RPL28: variants seen among roughly 807,000 people sequenced by gnomAD.
RPL28 encodes ribosomal protein L28.
A neutral mutation model predicts 12.5 loss-of-function variants in RPL28; 4 were observed. The observed-to-expected ratio is 0.32, with a 90% confidence interval of 0.16 to 0.73. RPL28 has a LOEUF of 0.73. Among genes scored for constraint, RPL28 ranks in the 30% least tolerant of loss-of-function variants. The pLI, the probability that RPL28 is intolerant of heterozygous loss-of-function variation, is 0.66. For synonymous variants in RPL28, 91 were observed against 72.5 expected, an observed-to-expected ratio of 1.26 and a Z score of -1.30; for missense variants, 214 against 197.7, an observed-to-expected ratio of 1.08 and a Z score of -0.49.
At chr19:55,396,631 A>G (rs1007304292), downstream of RPL28, among the ~76,000 whole-genome samples, 57 of 128,438 alleles carry the variant, frequency 4.4e-4, no homozygotes, top group African/African-American at 1.4e-3. Flanking sequence ...TCACTCTGTC[A>G]CCCAGGCTGG....
downstream of RPL28, chr19:55,403,286 A>C: frequency 1.7e-6 from 1 of 574,330 alleles, no homozygotes; most frequent in Non-Finnish European, 3.1e-6. Flanking sequence ...GCTCAGCTTT[A>C]GCAAAAAAGC....
intron 3 of RPL28, chr19:55,386,918 G>A: frequency 6.7e-7 from 1 of 1,484,952 alleles, no homozygotes; most frequent in Non-Finnish European, 8.9e-7. Context: ...AAATGAAAAA[G>A]GACCTGAACT....
In RPL28 at chr19:55,386,544, G is replaced by A. The variant is rs764362572; in HGVS notation, c.82-26G>A. 33 of 1,600,148 alleles carry A rather than the reference G, an allele frequency of 2.1e-5. 1 individual carries two copies. The South Asian group carries it at 3.6e-4, about 18-fold the overall frequency. ...GCATGTCTCCGGGTCCCTTATTCAC[G>A]ATGCCTTGTGCCGCCTCCTTCCCAG... On this transcript the variant is annotated intron_variant, in intron 2 of 4. Coordinates refer to ENST00000344063, the MANE Select transcript of RPL28 (RefSeq NM_000991.5).
chr19:55,391,359 C>A lies in RPL28; in HGVS notation c.*3027C>A. ...ATATGTAAAAGGCCATTTTGAGTGC[C>A]TTTCACAGCCCTGCATAAGGCAGGT... On this transcript the variant is annotated 3_prime_UTR_variant, in exon 5 of 5. Transcript: ENST00000344063. 1 of 1,192,720 alleles carries A rather than the reference C, an allele frequency of 8.4e-7. No homozygotes were observed. Among genetic ancestry groups the A allele is most frequent in the Non-Finnish European group, 1.1e-6 (1 of 949,276 alleles). The allele number at this position is 1,192,720 out of a possible 1,614,324, so 73.9% of individuals were successfully genotyped here.
chr19:55,388,514 G>T lies in RPL28; in HGVS notation c.*182G>T. 7.7e-7 allele frequency: 1 copy of T among 1,299,960 alleles called. No homozygotes were observed. Among genetic ancestry groups the T allele is most frequent in the Non-Finnish European group, 9.8e-7 (1 of 1,021,036 alleles). 80.5% of individuals were successfully genotyped at this position (1,299,960 alleles called of 1,614,324 possible). On this transcript the variant is annotated 3_prime_UTR_variant, in exon 5 of 5. Transcript: ENST00000344063. Reference sequence around the variant, plus strand: ...TGTCAATGGCTGGCCATGCAGGAGGGGTGGGGTAGCTGCCTTGTCCCTGGT... The same window carrying T: ...TGTCAATGGCTGGCCATGCAGGAGGTGTGGGGTAGCTGCCTTGTCCCTGGT...
intron 4 of RPL28, among the ~76,000 whole-genome samples, chr19:55,397,307 G>T (rs2090030408): frequency 2.0e-5 from 3 of 152,200 alleles, no homozygotes; most frequent in Non-Finnish European, 4.4e-5. Context: ...GCTTAGTTTT[G>T]ATTATGTTTG....
Position 55,386,428 on chromosome 19 carries a change from C to A in RPL28, c.71C>A (p.Thr24Asn). ...TTCCTGATCAAGAGGAATAAGCAGA[C>A]CTACAGCACTGTAAGTGGGGCCCGG... ...SSFLIKRNKQ[T>N]YSTEPNNLKA... The change falls in exon 2 of 5, where the codon ACC (threonine) becomes AAC (asparagine). Residue 24 changes from threonine (T) to asparagine (N), a missense_variant. Physicochemically the swap from Thr to Asn is moderately conservative, Grantham distance 65. Transcript: ENST00000344063. The A allele has an allele frequency of 6.2e-7, 1 of 1,614,102 alleles. No homozygotes were observed. The highest frequency in any genetic ancestry group is 8.5e-7 in the Non-Finnish European group (1 of 1,179,950).
At position 55,390,180 on chromosome 19, in the gene RPL28, A is replaced by G; in HGVS notation, c.*1848A>G. 1.0e-6 allele frequency: 1 copy of G among 985,492 alleles called. No homozygotes were observed. The highest frequency in any genetic ancestry group is 4.7e-5 in the South Asian group (1 of 21,298). 61.0% of individuals were successfully genotyped at this position (985,492 alleles called of 1,614,324 possible). ...TGAATGGTGCATATTGAATGTATAA[A>G]GCCCACCGGTCCTGAGAGTTTGCTC... On this transcript the variant is annotated 3_prime_UTR_variant, in exon 5 of 5. Coordinates refer to ENST00000344063, the MANE Select transcript of RPL28 (RefSeq NM_000991.5).
At chr19:55,393,405 A>G (rs1319873091), downstream of RPL28, among the ~76,000 whole-genome samples, 1 of 152,090 alleles carries the variant, frequency 6.6e-6, no homozygotes, top group Admixed American at 6.6e-5. Context: ...CCCTAGGCTC[A>G]GATGAAGACT....
exon 5 of RPL28, chr19:55,403,248 C>G (rs2123311196): frequency 1.7e-6 from 1 of 587,720 alleles, no homozygotes; most frequent in South Asian, 2.1e-5. Context: ...GAACTGTATA[C>G]TTTGGAACTG....
rs2073843440 is a variant in RPL28, at chr19:55,391,354, A to G, written c.*3022A>G. 4 of 1,144,782 alleles carry G rather than the reference A, an allele frequency of 3.5e-6. No homozygotes were observed. Among genetic ancestry groups the G allele is most frequent in the Admixed American group, 4.1e-5 (1 of 24,226 alleles). The allele number at this position is 1,144,782 out of a possible 1,614,324, so 70.9% of individuals were successfully genotyped here. ...TTCCCATATGTAAAAGGCCATTTTG[A>G]GTGCCTTTCACAGCCCTGCATAAGG... On this transcript the variant is annotated 3_prime_UTR_variant, in exon 5 of 5. Coordinates refer to ENST00000344063, the MANE Select transcript of RPL28 (RefSeq NM_000991.5).
chr19:55,386,045 C>T (rs2089919715), intron 1 of RPL28, 80 bp downstream of exon 1: 1 of 358,562 alleles, frequency 2.8e-6, no homozygotes, highest in Non-Finnish European at 5.4e-6. Flanking sequence ...TGCCTTCTCC[C>T]CTTGCGCCTC....
intron 4 of RPL28, chr19:55,400,183 A>G (rs1018868761): frequency 2.6e-5 from 4 of 152,126 alleles, no homozygotes; most frequent in Non-Finnish European, 4.4e-5. Context: ...GTAGATTTTT[A>G]TTGTAAATGT....
In RPL28 at chr19:55,388,885, G is replaced by A; in HGVS notation, c.*553G>A. On this transcript the variant is annotated 3_prime_UTR_variant, in exon 5 of 5. Transcript: ENST00000344063. ...ATCTCTGAGATGGGCAACTTGGTGG[G>A]TGGTGGCTTATAACTGTAAGGGAGA... The A allele has an allele frequency of 1.0e-6, 1 of 985,878 alleles. No homozygotes were observed. The highest frequency in any genetic ancestry group is 1.2e-6 in the Non-Finnish European group (1 of 830,260). 61.1% of individuals were successfully genotyped at this position (985,878 alleles called of 1,614,324 possible).
chr19:55,400,913 C>T (rs761760162), intron 4 of RPL28: 27 of 158,104 alleles, frequency 1.7e-4, no homozygotes, highest in Non-Finnish European at 2.4e-4. Flanking sequence ...ACCAGACAGA[C>T]GAGGCGAGCC....
At chr19:55,395,734 C>G (rs199952859), downstream of RPL28, among the ~76,000 whole-genome samples, 1 of 152,112 alleles carries the variant, frequency 6.6e-6, no homozygotes, top group African/African-American at 2.4e-5. Flanking sequence ...TGAGCCACCG[C>G]GCCCAGCCTC....
At chr19:55,403,014 C>T in exon 5 of RPL28, 1 of 1,524,254 alleles carries the variant, frequency 6.6e-7, no homozygotes, top group Middle Eastern at 1.7e-4. Context: ...GACGCCTCCA[C>T]CTCAGCAACA....
chr19:55,392,139 G>A, downstream of RPL28: 1 of 986,346 alleles, frequency 1.0e-6, no homozygotes, highest in Non-Finnish European at 1.2e-6. Flanking sequence ...TGAAAGAAGA[G>A]TATGCAGGGG....
Position 55,388,102 on chromosome 19 carries a change from A to G in RPL28, c.324+54A>G, listed in dbSNP as rs1870075. ...GGGAGACTGGCCAGTGCTGTGGGGA[A>G]GGGCCTCCCACTACTGGTTGCAATA... On this transcript the variant is annotated intron_variant, in intron 4 of 4. Coordinates refer to ENST00000344063, the MANE Select transcript of RPL28 (RefSeq NM_000991.5). 7,591 of 1,606,394 alleles carry G rather than the reference A, an allele frequency of 4.7e-3. 244 individuals carry two copies. The African/African-American group carries it at 0.078, about 16-fold the overall frequency.
Sources: gnomAD v4.1 joint callset for allele counts (sites outside exome capture counted in the v4.1 genomes callset) on GRCh38, gnomAD v4.1.1 for gene constraint, MANE v1.5 for transcripts, NCBI Gene and HGNC (gene_info 2026-07-23, HGNC 2026-07-21) for gene names.